The following CYP3A43 variants were observed in gnomAD, a reference collection of about 807,000 sequenced individuals.
The protein encoded by CYP3A43 is cytochrome P450 3A43.
In CYP3A43, 45 loss-of-function variants were observed where a neutral mutation model predicts 58.0. The observed-to-expected ratio is 0.78, with a 90% CI of 0.61 to 0.99. The LOEUF (loss-of-function observed/expected upper bound fraction) is 0.99. Ranked by LOEUF, CYP3A43 falls within the 50% of genes least tolerant of loss-of-function variation. CYP3A43 has a pLI of 0.00. For synonymous variants in CYP3A43, 191 were observed against 201.4 expected, an observed-to-expected ratio of 0.95 and a Z score of 0.44; for missense variants, 593 against 591.9, an observed-to-expected ratio of 1.00 and a Z score of -0.02.
At chr7:99,840,294 G>A (rs926758271) in intron 3 of CYP3A43, among the ~76,000 whole-genome samples, 2 of 152,068 alleles carry the variant, frequency 1.3e-5, no homozygotes, top group Non-Finnish European at 2.9e-5. Flanking sequence ...TGCTCACATG[G>A]AATTCTATAC....
intron 7 of CYP3A43, 41 bp downstream of exon 7, chr7:99,849,735 TC>T: frequency 6.7e-7 from 1 of 1,486,180 alleles, no homozygotes; most frequent in South Asian, 1.4e-5. Flanking sequence ...TCTCTCTCTC[TC>T]ATCTAATTTT....
intron 9 of CYP3A43, among the ~76,000 whole-genome samples, chr7:99,858,289 T>G (rs1818074430): frequency 6.6e-6 from 1 of 152,184 alleles, no homozygotes; most frequent in Non-Finnish European, 1.5e-5. Context: ...TTATCACCAG[T>G]AAATCACAAC....
intron 3 of CYP3A43, among the ~76,000 whole-genome samples, chr7:99,842,888 C>A (rs192443460): frequency 4.8e-4 from 73 of 152,306 alleles, no homozygotes; most frequent in South Asian, 1.7e-3. Context: ...CCTCCTTCCC[C>A]CCATGAACCA....
chr7:99,837,261 G>C (rs1241540995), intron 2 of CYP3A43, among the ~76,000 whole-genome samples: 3 of 148,826 alleles, frequency 2.0e-5, no homozygotes, highest in Non-Finnish European at 4.4e-5. Context: ...GGAGCTTGCA[G>C]TGAGCCGAGA....
At chr7:99,832,625 G>T (rs1002802044) in intron 1 of CYP3A43, among the ~76,000 whole-genome samples, 1 of 150,846 alleles carries the variant, frequency 6.6e-6, no homozygotes, top group Admixed American at 6.6e-5. Flanking sequence ...CACCAACATG[G>T]CACATATATA....
Position 99,847,640 on chromosome 7 carries a change from G to A in CYP3A43, c.432+39G>A, listed in dbSNP as rs377463854. ...GTGATTTATAATTAGAAACTTAAAG[G>A]ATGAATCTGGAGACAGGTAGTAAGT... On this transcript the variant is annotated intron_variant, in intron 5 of 12. Transcript: ENST00000354829. The A allele has an allele frequency of 2.5e-6, 4 of 1,609,068 alleles. No individual in the cohort carries two copies. In the African/African-American group the frequency reaches 4.0e-5, roughly 16 times the overall value.
At chr7:99,836,608 T>C in intron 2 of CYP3A43, 62 bp downstream of exon 2, 2 of 1,237,666 alleles carry the variant, frequency 1.6e-6, no homozygotes, top group Non-Finnish European at 2.3e-6. Flanking sequence ...CTTAGTCCTA[T>C]CAGTAAAAAT....
intron 4 of CYP3A43, 146 bp downstream of exon 4, chr7:99,844,388 T>C (rs1817462550): frequency 1.4e-6 from 1 of 736,800 alleles, no homozygotes; most frequent in South Asian, 1.8e-5. Flanking sequence ...TAACTGTAGA[T>C]ACAGTGTATT....
At chr7:99,851,740 T>C (rs1237741363) in intron 7 of CYP3A43, among the ~76,000 whole-genome samples, 2 of 152,274 alleles carry the variant, frequency 1.3e-5, no homozygotes, top group African/African-American at 4.8e-5. Flanking sequence ...ACTTTCTTGA[T>C]ATTGTTCTTT....
intron 4 of CYP3A43, among the ~76,000 whole-genome samples, chr7:99,844,518 T>G (rs1365621194): frequency 6.6e-6 from 1 of 152,192 alleles, no homozygotes; most frequent in Middle Eastern, 3.2e-3. Flanking sequence ...ATTATGCAAA[T>G]GTACCCATGT....
intron 5 of CYP3A43, chr7:99,847,876 G>T: frequency 3.9e-6 from 2 of 510,294 alleles, no homozygotes; most frequent in Non-Finnish European, 7.0e-6. Context: ...GCTGGGCATG[G>T]TGGCGGATGC....
At chr7:99,858,013 T>C (rs909712260) in intron 9 of CYP3A43, among the ~76,000 whole-genome samples, 13 of 152,186 alleles carry the variant, frequency 8.5e-5, no homozygotes, top group Admixed American at 2.6e-4. Context: ...AAACAGTCTA[T>C]CGTTTTGTTG....
chr7:99,857,908 C>T (rs966259300), intron 9 of CYP3A43, among the ~76,000 whole-genome samples: 8 of 151,898 alleles, frequency 5.3e-5, no homozygotes, highest in African/African-American at 1.9e-4. Flanking sequence ...CTCAAACACA[C>T]CATTGTAAAT....
chr7:99,849,622 C>G lies in CYP3A43; in HGVS notation c.598C>G (p.Gln200Glu), dbSNP rs747867217. The change falls in exon 7 of 13, where the codon CAA becomes GAA. Residue 200 changes from glutamine to glutamate, a missense_variant. Gln to Glu is a conservative substitution (Grantham distance 29). Transcript: ENST00000354829. ...GAACTTGGATTCTCTCAACAATCCACAAGATCCCTTTCTGAAAAATATGAA... is the reference window on the plus strand; with the variant it reads ...GAACTTGGATTCTCTCAACAATCCAGAAGATCCCTTTCTGAAAAATATGAA... ...GVNLDSLNNP[Q>E]DPFLKNMKKL... 3 of 1,613,064 alleles carry G rather than the reference C, an allele frequency of 1.9e-6. No homozygotes were observed. Among genetic ancestry groups the G allele is most frequent in the Admixed American group, 1.7e-5 (1 of 59,788 alleles).
intron 1 of CYP3A43, among the ~76,000 whole-genome samples, chr7:99,829,319 T>C (rs1244313571): frequency 1.3e-5 from 2 of 152,172 alleles, no homozygotes; most frequent in Non-Finnish European, 2.9e-5. Flanking sequence ...GGGCCAAATA[T>C]GAGTGACCAT....
intron 7 of CYP3A43, among the ~76,000 whole-genome samples, chr7:99,854,735 C>T (rs189878741): frequency 2.8e-3 from 420 of 152,238 alleles, no homozygotes; most frequent in Non-Finnish European, 5.1e-3. Context: ...ACATCCCATA[C>T]GCTTTGGCAT....
At chr7:99,836,055 C>T (rs187717678) in intron 1 of CYP3A43, among the ~76,000 whole-genome samples, 8 of 152,154 alleles carry the variant, frequency 5.3e-5, no homozygotes, top group East Asian at 1.9e-4. Flanking sequence ...AAAGATCAGC[C>T]GAAATCAATT....
At chr7:99,835,827 C>T (rs1400572006) in intron 1 of CYP3A43, among the ~76,000 whole-genome samples, 1 of 152,188 alleles carries the variant, frequency 6.6e-6, no homozygotes, top group African/African-American at 2.4e-5. Flanking sequence ...AACATGCTTA[C>T]ACTACACGTG....
At chr7:99,855,909 A>T (rs1414247139) in intron 8 of CYP3A43, among the ~76,000 whole-genome samples, 191 bp downstream of exon 8, 1 of 152,214 alleles carries the variant, frequency 6.6e-6, no homozygotes, top group Non-Finnish European at 1.5e-5. Flanking sequence ...GTGAAACAGC[A>T]TTTGGAATTT....
Sources: allele counts gnomAD v4.1 joint callset (sites outside exome capture counted in the v4.1 genomes callset), GRCh38; gene constraint gnomAD v4.1.1; transcripts MANE v1.5; gene names NCBI Gene and HGNC (gene_info 2026-07-23, HGNC 2026-07-21).